PSMA1: variants seen among roughly 807,000 people sequenced by gnomAD.
PSMA1 encodes proteasome subunit alpha type-1.
In PSMA1, 3 loss-of-function variants were observed where a neutral mutation model predicts 38.4. The ratio of observed to expected loss-of-function variants is 0.08; its 90% CI spans 0.04 to 0.20. PSMA1 has a LOEUF of 0.20. Among genes scored for constraint, PSMA1 ranks in the 10% least tolerant of loss-of-function variants. PSMA1 has a pLI of 1.00. For synonymous variants in PSMA1, 101 were observed against 107.1 expected, an observed-to-expected ratio of 0.94 and a Z score of 0.35; for missense variants, 227 against 325.3, an observed-to-expected ratio of 0.70 and a Z score of 2.32.
intron 2 of PSMA1, among the ~76,000 whole-genome samples, chr11:14,557,506 T>G (rs1044917623): frequency 6.6e-6 from 1 of 152,212 alleles, no homozygotes; most frequent in Non-Finnish European, 1.5e-5. Flanking sequence ...CCCCCCAAAG[T>G]GCTGGGATTA....
chr11:14,641,570 A>C (rs1218250060), intron 1 of PSMA1, among the ~76,000 whole-genome samples: 1 of 152,174 alleles, frequency 6.6e-6, no homozygotes, highest in East Asian at 1.9e-4. Context: ...AGAGGGATGC[A>C]CTCCGACTAT....
intron 2 of PSMA1, among the ~76,000 whole-genome samples, chr11:14,539,690 A>G (rs1324042977): frequency 1.3e-5 from 2 of 152,198 alleles, no homozygotes; most frequent in East Asian, 3.9e-4. Context: ...CTAAAAATAC[A>G]AAAACAGAAT....
intron 2 of PSMA1, among the ~76,000 whole-genome samples, chr11:14,529,619 CTT>C (rs1851624075): frequency 6.6e-6 from 1 of 152,218 alleles, no homozygotes; most frequent in South Asian, 2.1e-4. Flanking sequence ...GGCTGGTACT[CTT>C]TGAGCTTGGC....
intron 2 of PSMA1, among the ~76,000 whole-genome samples, chr11:14,572,223 A>G (rs1449205296): frequency 6.6e-6 from 1 of 152,190 alleles, no homozygotes; most frequent in African/African-American, 2.4e-5. Context: ...TCTTCTCGGC[A>G]CCACATCGCA....
chr11:14,521,666 TGAGGCAG>T (rs1371531138), upstream of PSMA1, among the ~76,000 whole-genome samples: 3 of 149,138 alleles, frequency 2.0e-5, no homozygotes, highest in Non-Finnish European at 3.0e-5. Flanking sequence ...CTCAGGAGGC[TGAGGCAG>T]GAGAATCGCT....
chr11:14,522,668 A>G (rs1851543089), upstream of PSMA1, among the ~76,000 whole-genome samples: 1 of 152,130 alleles, frequency 6.6e-6, no homozygotes, highest in Non-Finnish European at 1.5e-5. Flanking sequence ...ATGTTACTTT[A>G]GTGGATTGCC....
At chr11:14,596,932 T>C (rs2134191434) in intron 2 of PSMA1, among the ~76,000 whole-genome samples, 1 of 152,314 alleles carries the variant, frequency 6.6e-6, no homozygotes, top group South Asian at 2.1e-4. Flanking sequence ...AATACCTAGT[T>C]TATTGAAAGT....
At chr11:14,535,600 C>A (rs1851697710) in intron 2 of PSMA1, among the ~76,000 whole-genome samples, 1 of 151,960 alleles carries the variant, frequency 6.6e-6, no homozygotes, top group Non-Finnish European at 1.5e-5. Context: ...TGCGCCACCA[C>A]ACCCGGCTAA....
chr11:14,607,256 T>C (rs569158391), intron 2 of PSMA1, among the ~76,000 whole-genome samples: 1 of 152,318 alleles, frequency 6.6e-6, no homozygotes, highest in African/African-American at 2.4e-5. Flanking sequence ...AGACTCTAAT[T>C]CTTTTAATAC....
At chr11:14,550,974 C>G (rs879099304) in intron 2 of PSMA1, among the ~76,000 whole-genome samples, 1 of 152,042 alleles carries the variant, frequency 6.6e-6, no homozygotes, top group Non-Finnish European at 1.5e-5. Context: ...CTTGACCTAA[C>G]TAGGTTATTG....
At chr11:14,547,378 C>A (rs1033107380) in intron 2 of PSMA1, among the ~76,000 whole-genome samples, 1 of 152,156 alleles carries the variant, frequency 6.6e-6, no homozygotes, top group African/African-American at 2.4e-5. Context: ...TTCTTTTCGT[C>A]ATTAACAATT....
chr11:14,602,693 G>A (rs1464819181), intron 2 of PSMA1, among the ~76,000 whole-genome samples: 1 of 152,144 alleles, frequency 6.6e-6, no homozygotes, highest in Non-Finnish European at 1.5e-5. Context: ...TGCAAGACAA[G>A]AGGCTGCAGA....
At chr11:14,529,259 T>A (rs758849353) in intron 2 of PSMA1, among the ~76,000 whole-genome samples, 1 of 152,218 alleles carries the variant, frequency 6.6e-6, no homozygotes, top group Non-Finnish European at 1.5e-5. Flanking sequence ...CGTGTTATTA[T>A]GTTTAGCACC....
chr11:14,551,459 T>C (rs1157876460), intron 2 of PSMA1, among the ~76,000 whole-genome samples: 1 of 152,082 alleles, frequency 6.6e-6, no homozygotes, highest in African/African-American at 2.4e-5. Flanking sequence ...TGTTGAGGCA[T>C]AGAAAAAAGA....
intron 2 of PSMA1, among the ~76,000 whole-genome samples, chr11:14,592,925 T>C (rs1461812992): frequency 3.3e-5 from 5 of 152,256 alleles, no homozygotes; most frequent in Non-Finnish European, 7.3e-5. Context: ...AATATCATTA[T>C]GTTTTACTTT....
chr11:14,517,778 A>AG, intron 3 of PSMA1, 33 bp from the exon 4 acceptor site: 1 of 1,544,738 alleles, frequency 6.5e-7, no homozygotes, highest in East Asian at 2.3e-5. Context: ...GTAAAAAAAA[A>AG]AAAAAAAGAG....
At chr11:14,594,637 TACA>T (rs1171129129) in intron 2 of PSMA1, among the ~76,000 whole-genome samples, 1 of 152,234 alleles carries the variant, frequency 6.6e-6, no homozygotes, top group African/African-American at 2.4e-5. Context: ...TTGACCATAA[TACA>T]ACATTTTAAC....
intron 2 of PSMA1, among the ~76,000 whole-genome samples, chr11:14,595,089 C>CA (rs1852469523): frequency 6.6e-6 from 1 of 152,184 alleles, no homozygotes; most frequent in African/African-American, 2.4e-5. Context: ...ATGAACTCAT[C>CA]CTTTTTTATG....
chr11:14,574,058 A>G (rs1050180985), intron 2 of PSMA1, among the ~76,000 whole-genome samples: 11 of 152,336 alleles, frequency 7.2e-5, no homozygotes, highest in African/African-American at 2.6e-4. Flanking sequence ...TTATATTTAA[A>G]AGAGAAGCAG....
Sources: allele counts gnomAD v4.1 joint callset (sites outside exome capture counted in the v4.1 genomes callset), GRCh38; gene constraint gnomAD v4.1.1; transcripts MANE v1.5; gene names NCBI Gene and HGNC (gene_info 2026-07-23, HGNC 2026-07-21).